The following SIRPG variants were observed in gnomAD, a reference collection of about 807,000 sequenced individuals.
SIRPG encodes the protein signal regulatory protein gamma.
In SIRPG, 38 loss-of-function variants were observed where a neutral mutation model predicts 35.7. The ratio of observed to expected loss-of-function variants is 1.06; its 90% CI spans 0.82 to 1.40. SIRPG has a LOEUF of 1.40. SIRPG is among the 40% of genes most tolerant of loss of function. SIRPG has a pLI of 0.00. For synonymous variants in SIRPG, 215 were observed against 190.4 expected (o/e 1.13, Z -1.06); for missense variants, 519 against 483.0 (o/e 1.07, Z -0.70).
At chr20:1,634,117 G>C (rs772443976) in intron 4 of SIRPG, among the ~76,000 whole-genome samples, 1 of 152,064 alleles carries the variant, frequency 6.6e-6, no homozygotes, top group Non-Finnish European at 1.5e-5. Flanking sequence ...ATTTGCAGAG[G>C]GGTTTGTGAT....
the SIRPG span, among the ~76,000 whole-genome samples, chr20:1,682,043 C>T: frequency 1.3e-5 from 2 of 152,118 alleles, no homozygotes; most frequent in Non-Finnish European, 1.5e-5. Context: ...TTCCTCACAC[C>T]TACCCTTCAT....
Position 1,649,216 on chromosome 20 carries a change from G to A in SIRPG, c.266C>T (p.Thr89Ile). The change falls in exon 2 of 6, where the codon ACA becomes ATA. Residue 89 changes from threonine to isoleucine, a missense_variant. Coordinates refer to ENST00000303415, the MANE Select transcript of SIRPG (RefSeq NM_018556.4). The part of the protein sequence containing the change: ...NQKEGHFPRV[T>I]TVSDLTKRNN... Reference sequence around the variant, plus strand: ...TCTCTTTGTGAGGTCTGAAACTGTTGTTACCCTGGGGAAGTGGCCTTCTTT... The same window carrying A: ...TCTCTTTGTGAGGTCTGAAACTGTTATTACCCTGGGGAAGTGGCCTTCTTT... 1.9e-6 allele frequency: 3 copies of A among 1,614,168 alleles called. No individual in the cohort carries two copies. The highest frequency in any genetic ancestry group is 2.5e-6 in the Non-Finnish European group (3 of 1,180,046).
chr20:1,679,729 C>T, the SIRPG span, among the ~76,000 whole-genome samples: 1 of 152,150 alleles, frequency 6.6e-6, no homozygotes, highest in South Asian at 2.1e-4. Context: ...CCATTTTCAA[C>T]ACTAATGGCA....
the SIRPG span, among the ~76,000 whole-genome samples, chr20:1,680,251 C>G: frequency 6.6e-6 from 1 of 152,134 alleles, no homozygotes; most frequent in Admixed American, 6.5e-5. Context: ...CCATGAATTT[C>G]CCCAGGGCTT....
the SIRPG span, among the ~76,000 whole-genome samples, chr20:1,677,296 A>G: frequency 6.6e-6 from 1 of 152,210 alleles, no homozygotes; most frequent in Admixed American, 6.5e-5. Context: ...TTCTGGCCAT[A>G]TGGAGTATTG....
chr20:1,629,513 G>A lies in SIRPG; in HGVS notation c.*126C>T, dbSNP rs2091732360. 6.6e-6 allele frequency: 1 copy of A among 152,346 alleles called. No individual in the cohort carries two copies. The highest frequency in any genetic ancestry group is 1.5e-5 in the Non-Finnish European group (1 of 68,188). The allele number at this position is 152,346 out of a possible 1,614,324, so 9.4% of individuals were successfully genotyped here. On this transcript the variant is annotated 3_prime_UTR_variant, in exon 6 of 6. Coordinates refer to ENST00000303415, the MANE Select transcript of SIRPG (RefSeq NM_018556.4). The stretch of plus-strand genomic sequence containing the variant: ...GTGGGCAGGCAGATGTCTTGGGAGG[G>A]GAGATGTTTGGAGCCAAGTCTAGAG...
At chr20:1,658,930 T>G (rs1483652587), upstream of SIRPG, among the ~76,000 whole-genome samples, 1 of 152,158 alleles carries the variant, frequency 6.6e-6, no homozygotes, top group Non-Finnish European at 1.5e-5. Flanking sequence ...CCGCTCCTTG[T>G]TCAACCATAG....
chr20:1,664,448 G>A, the SIRPG span, among the ~76,000 whole-genome samples: 1 of 152,152 alleles, frequency 6.6e-6, no homozygotes, highest in African/African-American at 2.4e-5. Context: ...GAGAGAGTCT[G>A]TGGTTTATGG....
chr20:1,630,803 G>C (rs554520942), intron 4 of SIRPG: 1 of 153,364 alleles, frequency 6.5e-6, no homozygotes, highest in Admixed American at 6.5e-5. Flanking sequence ...TAAAAGGGTA[G>C]GCAGGTGGCT....
At chr20:1,636,055 G>C (rs6079918) in intron 3 of SIRPG, 133 bp downstream of exon 3, 5 of 1,285,138 alleles carry the variant, frequency 3.9e-6, no homozygotes, top group African/African-American at 3.0e-5. Flanking sequence ...AGCACACCTA[G>C]GTGCATGGCG....
rs1251377665 is a variant in SIRPG at position 1,635,515 on chromosome 20, G to T, written c.833C>A (p.Pro278His). The change falls in exon 4 of 6, where the codon CCC becomes CAC. Residue 278 changes from proline to histidine, a missense_variant. Coordinates refer to ENST00000303415, the MANE Select transcript of SIRPG (RefSeq NM_018556.4). ...NVTCQVRKFY[P>H]QSLQLTWSEN... is the part of the protein sequence containing the mutation. ...CGACCAGGTCAGCTGTAGGCTCTGGGGGTAGAACTTCCTCACCTGGCAGGT... is the reference window on the plus strand; with the variant it reads ...CGACCAGGTCAGCTGTAGGCTCTGGTGGTAGAACTTCCTCACCTGGCAGGT... 8.7e-6 allele frequency: 14 copies of T among 1,614,122 alleles called. No homozygotes were observed. Among genetic ancestry groups the T allele is most frequent in the Non-Finnish European group, 1.1e-5 (13 of 1,179,986 alleles).
chr20:1,631,495 C>A lies in SIRPG; in HGVS notation c.1082-1189G>T, dbSNP rs559456732. On this transcript the variant is annotated intron_variant, in intron 4 of 5. Transcript: ENST00000303415. ...GTTCTACCTGCACTGTAGCTCAGCA[C>A]CTCGCTCCTCCTACAGTCCTGCCTC... is the stretch of plus-strand genomic sequence containing the variant. 2.0e-4 allele frequency among the ~76,000 whole-genome samples: 31 copies of A among 152,342 alleles called. 2 individuals are homozygous for A. In the South Asian group the frequency reaches 6.4e-3, roughly 32 times the overall value.
the SIRPG span, among the ~76,000 whole-genome samples, chr20:1,670,517 A>G: frequency 6.6e-6 from 1 of 152,216 alleles, no homozygotes; most frequent in African/African-American, 2.4e-5. Flanking sequence ...TTGAAATGTC[A>G]TAACTGCAGC....
At chr20:1,654,439 G>A (rs780446304) in intron 1 of SIRPG, among the ~76,000 whole-genome samples, 2 of 152,106 alleles carry the variant, frequency 1.3e-5, no homozygotes, top group Non-Finnish European at 2.9e-5. Flanking sequence ...AAAACACAAT[G>A]GTGAAAGGTC....
At chr20:1,668,221 TTC>T in the SIRPG span, among the ~76,000 whole-genome samples, 2 of 129,356 alleles carry the variant, frequency 1.5e-5, no homozygotes, top group African/African-American at 3.1e-5. Flanking sequence ...CTTTCTTTCT[TTC>T]TTTCTTTCTT....
chr20:1,669,508 C>T, the SIRPG span, among the ~76,000 whole-genome samples: 1 of 152,186 alleles, frequency 6.6e-6, no homozygotes, highest in African/African-American at 2.4e-5. Context: ...TCTGATTTTC[C>T]CACAGCAGAT....
chr20:1,635,826 G>C (rs771282568), intron 3 of SIRPG, among the ~76,000 whole-genome samples: 10 of 152,230 alleles, frequency 6.6e-5, no homozygotes, highest in Non-Finnish European at 1.3e-4. Flanking sequence ...ACTAGGCTAA[G>C]AATGAGTGAA....
At chr20:1,676,248 T>C in the SIRPG span, among the ~76,000 whole-genome samples, 1 of 152,190 alleles carries the variant, frequency 6.6e-6, no homozygotes, top group Non-Finnish European at 1.5e-5. Flanking sequence ...GCAGTGTTCT[T>C]ACATATGAAA....
At chr20:1,635,008 A>C (rs2091783761) in intron 4 of SIRPG, among the ~76,000 whole-genome samples, 1 of 151,332 alleles carries the variant, frequency 6.6e-6, no homozygotes, top group Non-Finnish European at 1.5e-5. Flanking sequence ...GCGCCACTGC[A>C]CTCCAGTCTG....
Sources: allele counts gnomAD v4.1 joint callset (sites outside exome capture counted in the v4.1 genomes callset), GRCh38; gene constraint gnomAD v4.1.1; transcripts MANE v1.5; gene names NCBI Gene and HGNC (gene_info 2026-07-23, HGNC 2026-07-21).